Variants in TRIM37 observed in about 807,000 individuals in gnomAD.
TRIM37 encodes E3 ubiquitin-protein ligase TRIM37.
TRIM37 carries 80 observed loss-of-function variants against 129.8 expected under a neutral mutation model. The ratio of observed to expected loss-of-function variants is 0.62; its 90% confidence interval spans 0.51 to 0.74. TRIM37 has a LOEUF of 0.74. Ranked by LOEUF, TRIM37 falls within the 30% of genes least tolerant of loss-of-function variation. TRIM37 has a pLI of 0.00. For synonymous variants in TRIM37, 389 were observed against 387.1 expected, an observed-to-expected ratio of 1.00 and a Z score of -0.06; for missense variants, 1,054 against 1,176.5, an observed-to-expected ratio of 0.90 and a Z score of 1.52.
At chr17:59,100,798 G>T (rs1244151146) in intron 2 of TRIM37, among the ~76,000 whole-genome samples, 1 of 152,116 alleles carries the variant, frequency 6.6e-6, no homozygotes, top group Non-Finnish European at 1.5e-5. Context: ...TGAGGTGGGT[G>T]GATCACCTGA....
chr17:59,065,850 ATTCT>A (rs970086027), intron 9 of TRIM37, among the ~76,000 whole-genome samples: 3 of 152,206 alleles, frequency 2.0e-5, no homozygotes, highest in Admixed American at 1.3e-4. Flanking sequence ...TAGACAAATA[ATTCT>A]TTATTTCAAT....
At chr17:58,969,677 A>C in the TRIM37 span, 1 of 1,614,070 alleles carries the variant, frequency 6.2e-7, no homozygotes, top group South Asian at 1.1e-5. Flanking sequence ...GGCCCTGTGC[A>C]GGGCCTTCCG....
chr17:58,979,674 G>A (rs1005961512), downstream of TRIM37, among the ~76,000 whole-genome samples: 1 of 152,156 alleles, frequency 6.6e-6, no homozygotes, highest in Non-Finnish European at 1.5e-5. Context: ...TTTTAGATCT[G>A]ACATTGTTGT....
intron 24 of TRIM37, among the ~76,000 whole-genome samples, chr17:58,989,908 A>AG (rs1206796192): frequency 6.6e-6 from 1 of 152,082 alleles, no homozygotes; most frequent in Non-Finnish European, 1.5e-5. Context: ...AAGCAAAGCT[A>AG]GGTGAGGTGG....
At chr17:59,065,344 T>TGTAA (rs2146603475) in intron 9 of TRIM37, among the ~76,000 whole-genome samples, 1 of 152,146 alleles carries the variant, frequency 6.6e-6, no homozygotes, top group East Asian at 1.9e-4. Flanking sequence ...ACTTTGAAAC[T>TGTAA]ATTTACTAGC....
At chr17:59,084,900 A>G (rs2043616721) in intron 4 of TRIM37, among the ~76,000 whole-genome samples, 1 of 152,224 alleles carries the variant, frequency 6.6e-6, no homozygotes, top group South Asian at 2.1e-4. Flanking sequence ...GCTAGCATTT[A>G]ATCTTGGACT....
At chr17:59,080,014 T>G (rs1216126094) in intron 6 of TRIM37, 137 bp from the exon 7 acceptor site, 1 of 958,046 alleles carries the variant, frequency 1.0e-6, no homozygotes, top group East Asian at 2.7e-5. Flanking sequence ...CCCAACTTGC[T>G]TATATTTCAA....
At chr17:59,050,311 T>C (rs1408605209) in intron 14 of TRIM37, among the ~76,000 whole-genome samples, 6 of 152,220 alleles carry the variant, frequency 3.9e-5, no homozygotes, top group Admixed American at 6.5e-5. Flanking sequence ...TATGCAATGA[T>C]GGAAATGCTC....
intron 19 of TRIM37, among the ~76,000 whole-genome samples, chr17:59,025,668 C>T (rs1342311751): frequency 6.6e-6 from 1 of 151,904 alleles, no homozygotes; most frequent in Admixed American, 6.6e-5. Context: ...TTTGGCATCA[C>T]CCGAATACTG....
chr17:59,039,312 C>T (rs1040254432), intron 17 of TRIM37, among the ~76,000 whole-genome samples: 1 of 151,912 alleles, frequency 6.6e-6, no homozygotes, highest in African/African-American at 2.4e-5. Flanking sequence ...TTAGTCTTTG[C>T]CAGAGGCCAC....
intron 24 of TRIM37, among the ~76,000 whole-genome samples, chr17:58,992,268 A>AAC: frequency 7.0e-6 from 1 of 143,498 alleles, no homozygotes; most frequent in South Asian, 2.1e-4. Flanking sequence ...TATAAATATA[A>AAC]ATATATATAT....
intron 24 of TRIM37, among the ~76,000 whole-genome samples, chr17:58,991,658 T>C (rs2038453015): frequency 6.6e-6 from 1 of 152,128 alleles, no homozygotes; most frequent in Non-Finnish European, 1.5e-5. Flanking sequence ...TGGCAAAATA[T>C]TAGCAAAACA....
intron 23 of TRIM37, 124 bp from the exon 24 acceptor site, chr17:58,999,583 G>T (rs2033413733): frequency 6.3e-6 from 5 of 796,140 alleles, no homozygotes; most frequent in Non-Finnish European, 7.7e-6. Flanking sequence ...GATGTGCTGG[G>T]TTGTGAACAA....
intron 8 of TRIM37, among the ~76,000 whole-genome samples, chr17:59,074,568 C>A (rs762398922): frequency 3.2e-4 from 49 of 152,118 alleles, no homozygotes; most frequent in Non-Finnish European, 6.0e-4. Context: ...TGTGTTCTGA[C>A]TACCCTTCCT....
At chr17:58,969,796 A>G in the TRIM37 span, 1 of 1,433,302 alleles carries the variant, frequency 7.0e-7, no homozygotes, top group Admixed American at 1.9e-5. Flanking sequence ...TGTGTGGTTA[A>G]AGGGCTATTT....
the TRIM37 span, among the ~76,000 whole-genome samples, chr17:58,977,353 G>A: frequency 2.0e-5 from 3 of 151,308 alleles, no homozygotes; most frequent in African/African-American, 7.3e-5. Context: ...TGAGGCAGGA[G>A]AATTGCTTGA....
rs150099714 is a variant in TRIM37, at chr17:59,099,289, C to T, written c.123+5004G>A. On this transcript the variant is annotated intron_variant, in intron 2 of 23. Coordinates refer to ENST00000262294, the MANE Select transcript of TRIM37 (RefSeq NM_015294.6). ...TGGACCGCATATACTACAGTAGTCTCGTAAGATTAGAATGGAGCTGCCCTA... is the reference window on the plus strand; with the variant it reads ...TGGACCGCATATACTACAGTAGTCTTGTAAGATTAGAATGGAGCTGCCCTA... Among the ~76,000 whole-genome samples, 68 of 152,126 alleles carry T rather than the reference C, an allele frequency of 4.5e-4. 2 individuals carry two copies. Among genetic ancestry groups the T allele is most frequent in the African/African-American group, 1.5e-3 (63 of 41,508 alleles).
At chr17:59,092,135 G>C (rs1691350332) in intron 2 of TRIM37, among the ~76,000 whole-genome samples, 1 of 152,136 alleles carries the variant, frequency 6.6e-6, no homozygotes. Context: ...TCTCACGCCT[G>C]TAATCCCAGC....
intron 17 of TRIM37, among the ~76,000 whole-genome samples, chr17:59,040,390 C>G (rs1337268655): frequency 6.6e-6 from 1 of 151,954 alleles, no homozygotes; most frequent in Non-Finnish European, 1.5e-5. Flanking sequence ...ATTTAGGACA[C>G]AGAACCAACA....
Sources: allele counts gnomAD v4.1 joint callset (sites outside exome capture counted in the v4.1 genomes callset), GRCh38; gene constraint gnomAD v4.1.1; transcripts MANE v1.5; gene names NCBI Gene and HGNC (gene_info 2026-07-23, HGNC 2026-07-21).